The following MAP9 variants were observed in gnomAD, a reference collection of about 807,000 sequenced individuals.
MAP9 encodes the protein microtubule associated protein 9.
MAP9 carries 80 observed loss-of-function variants against 75.2 expected under a neutral mutation model. The observed-to-expected ratio is 1.06, with a 90% CI of 0.89 to 1.28. The LOEUF is 1.28. MAP9 is among the 50% of genes most tolerant of loss of function. The pLI, the probability that MAP9 is intolerant of heterozygous loss-of-function variation, is 0.00. For missense variants in MAP9, 753 were observed against 719.9 expected (o/e 1.05, Z -0.53); for synonymous variants, 235 against 237.3 (o/e 0.99, Z 0.09).
chr4:155,360,144 A>C (rs1160583136), intron 7 of MAP9, 24 bp downstream of exon 7: 2 of 1,596,824 alleles, frequency 1.3e-6, no homozygotes, highest in Non-Finnish European at 8.6e-7. Context: ...CTGTAGTATG[A>C]AAAGTATGAA....
rs1470822293 is a variant in MAP9 at position 155,360,222 on chromosome 4, T to C, written c.996A>G (p.Leu332=). Residue 332 remains leucine (L), a synonymous_variant, in exon 7 of 14, where the codon CTA becomes CTG. Transcript: ENST00000311277. ...IMDDDRTVDP[L]LSKSQSILIS... ...TTAAGATACTCTGAGATTTAGATAG[T>C]AGTGGATCAACTGTTCTGTCATCAT... 6 of 1,612,568 alleles carry C rather than the reference T, an allele frequency of 3.7e-6. No individual in the cohort carries two copies. The highest frequency in any genetic ancestry group is 2.2e-5 in the East Asian group (1 of 44,806).
intron 13 of MAP9, 143 bp from the exon 14 acceptor site, chr4:155,348,048 A>T (rs989152893): frequency 8.5e-6 from 5 of 587,196 alleles, no homozygotes; most frequent in Non-Finnish European, 1.4e-5. Flanking sequence ...AAGAAATAAC[A>T]GGTAGGGCCA....
At chr4:155,364,020 G>A (rs558465739) in intron 5 of MAP9, among the ~76,000 whole-genome samples, 21 of 152,136 alleles carry the variant, frequency 1.4e-4, no homozygotes, top group Admixed American at 5.2e-4. Context: ...TAAACATAAA[G>A]AAAGCTAGAC....
chr4:155,369,008 C>T (rs1324807626), intron 4 of MAP9, among the ~76,000 whole-genome samples, 196 bp from the exon 5 acceptor site: 1 of 152,070 alleles, frequency 6.6e-6, no homozygotes, highest in Non-Finnish European at 1.5e-5. Flanking sequence ...ATAATCAGGC[C>T]GGACGCGGTG....
At chr4:155,367,245 A>C (rs1441400022) in intron 5 of MAP9, 1 of 152,232 alleles carries the variant, frequency 6.6e-6, no homozygotes, top group Non-Finnish European at 1.5e-5. Context: ...TCTTTTTTTA[A>C]GAGAAAGAAG....
Position 155,360,304 on chromosome 4 carries a change from C to A in MAP9, c.914G>T (p.Ser305Ile). 1 of 1,613,222 alleles carries A rather than the reference C, an allele frequency of 6.2e-7. No homozygotes were observed. Among genetic ancestry groups the A allele is most frequent in the East Asian group, 2.2e-5 (1 of 44,798 alleles). Residue 305 changes from serine (S) to isoleucine (I), a missense_variant, in exon 7 of 14, where the codon AGT (serine) becomes ATT (isoleucine). Ser to Ile is a moderately radical substitution (Grantham distance 142). Transcript: ENST00000311277. ...VTTAVEKSKE[S>I]QVTADDLEEE... ...TTCAAGGTCATCAGCAGTCACTTGA[C>A]TTTCCTTGGATTTCTCAACTGCAGT...
chr4:155,355,355 C>T (rs1731724879), intron 9 of MAP9, among the ~76,000 whole-genome samples, 195 bp from the exon 10 acceptor site: 1 of 152,150 alleles, frequency 6.6e-6, no homozygotes, highest in South Asian at 2.1e-4. Context: ...CGCCTAACAA[C>T]ATCTCAGGAA....
rs926973260 is a variant in MAP9, at chr4:155,344,872, T to C, written c.*2911A>G. 3.3e-5 allele frequency: 5 copies of C among 151,938 alleles called. No individual in the cohort carries two copies. The highest frequency in any genetic ancestry group is 7.4e-5 in the Non-Finnish European group (5 of 67,868). 9.4% of individuals were successfully genotyped at this position (151,938 alleles called of 1,614,324 possible). A position where few individuals can be genotyped will look rare whatever the true frequency, so the allele number is the denominator to read the frequency against. On this transcript the variant is annotated 3_prime_UTR_variant, in exon 14 of 14. Coordinates refer to ENST00000311277, the MANE Select transcript of MAP9 (RefSeq NM_001039580.2). Reference sequence around the variant, plus strand: ...CTAAGGAAACTTGTTTTAAGTAATGTTTTAAAATATTCATAAAATTTGTTT... The same window carrying C: ...CTAAGGAAACTTGTTTTAAGTAATGCTTTAAAATATTCATAAAATTTGTTT...
Position 155,373,453 on chromosome 4 carries a change from G to T in MAP9, c.164C>A (p.Ser55Tyr). The change falls in exon 4 of 14, where the codon TCT becomes TAT. Residue 55 changes from serine to tyrosine, a missense_variant. Transcript: ENST00000311277. ...TGAAGTGTCAGAAAAATCACCTAAA[G>T]AAACTGAAAAATGGAAAAGAAAAAT... The part of the protein sequence containing the change: ...SDDFDSDEIV[S>Y]LGDFSDTSAD... 1 of 1,495,528 alleles carries T rather than the reference G, an allele frequency of 6.7e-7. No homozygotes were observed. The highest frequency in any genetic ancestry group is 1.3e-5 in the South Asian group (1 of 74,970). The allele number at this position is 1,495,528 out of a possible 1,614,324, so 92.6% of individuals were successfully genotyped here.
Position 155,355,715 on chromosome 4 carries a change from C to T in MAP9, c.1290+1G>A. ...CTCTTAAAAATATTTTCCTTTTTTA[C>T]CTGATAAACAGCTGCCCTTATGTTA... On this transcript the variant is annotated splice_donor_variant, in intron 9 of 13. Coordinates refer to ENST00000311277, the MANE Select transcript of MAP9 (RefSeq NM_001039580.2). LOFTEE classifies it high-confidence loss of function. 6.3e-7 allele frequency: 1 copy of T among 1,599,758 alleles called. No homozygotes were observed. Among genetic ancestry groups the T allele is most frequent in the Non-Finnish European group, 8.5e-7 (1 of 1,175,754 alleles).
At chr4:155,372,747 A>G (rs1253676158) in intron 4 of MAP9, among the ~76,000 whole-genome samples, 1 of 152,186 alleles carries the variant, frequency 6.6e-6, no homozygotes, top group South Asian at 2.1e-4. Context: ...CTGTAACTCT[A>G]ATCTTTGGAG....
At chr4:155,351,586 T>C (rs756843948) in intron 13 of MAP9, among the ~76,000 whole-genome samples, 6 of 151,700 alleles carry the variant, frequency 4.0e-5, no homozygotes, top group Non-Finnish European at 8.9e-5. Context: ...ATAGGCTAAT[T>C]TCCCCAGTAC....
In MAP9 at chr4:155,347,795, T is replaced by G. The variant is rs772860950; in HGVS notation, c.1932A>C (p.Ala644=). The change falls in exon 14 of 14, where the codon GCA becomes GCC. Residue 644 remains alanine, a synonymous_variant. Transcript: ENST00000311277. ...PWSPPSRTVF[A]KVF ...AGAACTAGAATTATCAAAACACTTT[T>G]GCGAACACAGTTCTGCTTGGAGGGC... 1.9e-6 allele frequency: 3 copies of G among 1,601,174 alleles called. No homozygotes were observed. The highest frequency in any genetic ancestry group is 2.6e-6 in the Non-Finnish European group (3 of 1,175,830).
chr4:155,351,667 T>C (rs942968426), intron 13 of MAP9, among the ~76,000 whole-genome samples: 3 of 151,882 alleles, frequency 2.0e-5, no homozygotes, highest in Non-Finnish European at 2.9e-5. Flanking sequence ...GCAAAGTCTA[T>C]GAAATGACAA....
In MAP9 at chr4:155,355,151, C is replaced by G. The variant is rs1315733992; in HGVS notation, c.1300G>C (p.Glu434Gln). 8.2e-7 allele frequency: 1 copy of G among 1,218,004 alleles called. No homozygotes were observed. The highest frequency in any genetic ancestry group is 1.1e-6 in the Non-Finnish European group (1 of 875,240). The allele number at this position is 1,218,004 out of a possible 1,614,324, so 75.4% of individuals were successfully genotyped here. Residue 434 changes from glutamate (E) to glutamine (Q), a missense_variant, in exon 10 of 14, where the codon GAA (glutamate) becomes CAA (glutamine). Physicochemically the swap from Glu to Gln is conservative, Grantham distance 29. Coordinates refer to ENST00000311277, the MANE Select transcript of MAP9 (RefSeq NM_001039580.2). ...IRAAVYQEWL[E>Q]KKNVYLHEMH... ...TCATGTAAATACACATTTTTCTTTT[C>G]TAACCACTCCTATAAGAACAAGAAA...
intron 8 of MAP9, among the ~76,000 whole-genome samples, chr4:155,356,612 T>C (rs1731801048): frequency 6.6e-6 from 1 of 152,176 alleles, no homozygotes; most frequent in Admixed American, 6.5e-5. Flanking sequence ...GAAAGAATAG[T>C]ACTATCTATA....
chr4:155,346,922 A>C lies in MAP9; in HGVS notation c.*861T>G, dbSNP rs1430749049. 6.6e-6 allele frequency: 1 copy of C among 152,612 alleles called. No homozygotes were observed. Among genetic ancestry groups the C allele is most frequent in the East Asian group, 1.9e-4 (1 of 5,192 alleles). The allele number at this position is 152,612 out of a possible 1,614,324, so 9.5% of individuals were successfully genotyped here. A position where few individuals can be genotyped will look rare whatever the true frequency, so the allele number is the denominator to read the frequency against. On this transcript the variant is annotated 3_prime_UTR_variant, in exon 14 of 14. Transcript: ENST00000311277. Reference sequence around the variant, plus strand: ...CCCATACAGCTGTCTGCTGAATATAAGCTATAAAACAGGACTAGCTAAGAT... The same window carrying C: ...CCCATACAGCTGTCTGCTGAATATACGCTATAAAACAGGACTAGCTAAGAT...
chr4:155,368,518 T>C (rs1166557281), intron 5 of MAP9, 68 bp downstream of exon 5: 3 of 1,290,734 alleles, frequency 2.3e-6, no homozygotes, highest in Admixed American at 3.5e-5. Flanking sequence ...TCTCCTTCTC[T>C]TTTTCATAAT....
At position 155,346,560 on chromosome 4, in the gene MAP9, G is replaced by A. The variant is rs12651030; in HGVS notation, c.*1223C>T. ...CAACTCAGGCACACTCCAGATGGACGGTAAGTTACTTGGTTTATCTGAGCG... is the reference window on the plus strand; with the variant it reads ...CAACTCAGGCACACTCCAGATGGACAGTAAGTTACTTGGTTTATCTGAGCG... On this transcript the variant is annotated 3_prime_UTR_variant, in exon 14 of 14. Coordinates refer to ENST00000311277, the MANE Select transcript of MAP9 (RefSeq NM_001039580.2). 0.61 allele frequency: 92,805 copies of A among 151,944 alleles called. 29,087 individuals carry two copies. The highest frequency in any genetic ancestry group is 0.79 in the East Asian group (4,090 of 5,162). The allele number at this position is 151,944 out of a possible 1,614,324, so 9.4% of individuals were successfully genotyped here.
Sources: gnomAD v4.1 joint callset for allele counts (sites outside exome capture counted in the v4.1 genomes callset) on GRCh38, gnomAD v4.1.1 for gene constraint, MANE v1.5 for transcripts, NCBI Gene and HGNC (gene_info 2026-07-23, HGNC 2026-07-21) for gene names.